The following LRRTM4 variants were observed in gnomAD, a reference collection of about 807,000 sequenced individuals.
LRRTM4 encodes leucine rich repeat transmembrane neuronal 4.
LRRTM4 carries 25 observed loss-of-function variants against 47.6 expected under a neutral mutation model. That is an observed-to-expected ratio of 0.53 (90% confidence interval 0.38 to 0.73). The LOEUF (loss-of-function observed/expected upper bound fraction) is 0.73, where lower values mean the gene tolerates loss of function less well. LRRTM4 is among the 30% of genes least tolerant of loss of function. LRRTM4 has a pLI of 0.00. For missense variants in LRRTM4, 638 were observed against 713.4 expected (o/e 0.89, Z 1.20); for synonymous variants, 311 against 269.5 (o/e 1.15, Z -1.51).
chr2:77,512,455 A>G (rs1573512689), intron 3 of LRRTM4, among the ~76,000 whole-genome samples: 2 of 152,244 alleles, frequency 1.3e-5, no homozygotes, highest in South Asian at 2.1e-4. Flanking sequence ...TTCTGGTACT[A>G]TAAAAAGCAA....
chr2:77,367,375 A>G (rs1490575130), intron 3 of LRRTM4, among the ~76,000 whole-genome samples: 1 of 151,828 alleles, frequency 6.6e-6, no homozygotes, highest in Non-Finnish European at 1.5e-5. Context: ...GCTATTATCT[A>G]AAATGATTAA....
chr2:76,958,841 G>A (rs1186198623), intron 3 of LRRTM4, among the ~76,000 whole-genome samples: 1 of 151,502 alleles, frequency 6.6e-6, no homozygotes, highest in Non-Finnish European at 1.5e-5. Flanking sequence ...TTTGAAATAT[G>A]CCCCCTTGCC....
At chr2:77,032,310 TA>T (rs1156636922) in intron 3 of LRRTM4, among the ~76,000 whole-genome samples, 1 of 152,164 alleles carries the variant, frequency 6.6e-6, no homozygotes, top group Non-Finnish European at 1.5e-5. Flanking sequence ...GAGGTTAGTC[TA>T]ATCATCTCAA....
chr2:77,324,210 G>A lies in LRRTM4; in HGVS notation c.1551+194108C>T, dbSNP rs201075860. ...TTTGACTTTATTGATATTTTTTCTCGACAAATATTTATTAAGAGCTTAGCT... is the reference window on the plus strand; with the variant it reads ...TTTGACTTTATTGATATTTTTTCTCAACAAATATTTATTAAGAGCTTAGCT... On this transcript the variant is annotated intron_variant, in intron 3 of 3. Coordinates refer to ENST00000409884, the MANE Select transcript of LRRTM4 (RefSeq NM_001134745.3). Among the ~76,000 whole-genome samples, 129 of 152,036 alleles carry A rather than the reference G, an allele frequency of 8.5e-4. No homozygotes were observed. In the East Asian group the frequency reaches 0.018, roughly 21 times the overall value.
chr2:76,966,727 C>A (rs1676036853), intron 3 of LRRTM4, among the ~76,000 whole-genome samples: 1 of 151,430 alleles, frequency 6.6e-6, no homozygotes, highest in Non-Finnish European at 1.5e-5. Flanking sequence ...CTTTTAATGA[C>A]AATCTAATTA....
chr2:77,429,950 C>T (rs2103902325), intron 3 of LRRTM4, among the ~76,000 whole-genome samples: 1 of 152,136 alleles, frequency 6.6e-6, no homozygotes, highest in Non-Finnish European at 1.5e-5. Context: ...CCTGTAATTC[C>T]AGATACTCAG....
chr2:77,331,189 G>C (rs1670960170), intron 3 of LRRTM4, among the ~76,000 whole-genome samples: 1 of 152,026 alleles, frequency 6.6e-6, no homozygotes, highest in Non-Finnish European at 1.5e-5. Context: ...TCTCTTTCCA[G>C]TTTGTATTTT....
intron 3 of LRRTM4, among the ~76,000 whole-genome samples, chr2:77,364,842 G>T (rs1672381094): frequency 6.6e-6 from 1 of 151,920 alleles, no homozygotes; most frequent in Admixed American, 6.6e-5. Flanking sequence ...ATTTTTGTGT[G>T]GGAAAAACAC....
intron 3 of LRRTM4, among the ~76,000 whole-genome samples, chr2:77,365,943 A>ATT (rs1185688771): frequency 6.7e-6 from 1 of 148,820 alleles, no homozygotes; most frequent in Non-Finnish European, 1.5e-5. Context: ...TTTTTCCTAC[A>ATT]TTATATATAT....
chr2:77,377,862 G>A (rs554665040), intron 3 of LRRTM4, among the ~76,000 whole-genome samples: 4 of 151,600 alleles, frequency 2.6e-5, no homozygotes, highest in African/African-American at 7.2e-5. Context: ...CTCCTCTATC[G>A]AAAATGCAAA....
In LRRTM4 at chr2:77,518,809, C is replaced by A; in HGVS notation, c.1060G>T (p.Val354Leu). Reference protein sequence around the residue: ...HIQGEKVSDAVETYNICSEVQ... With the variant: ...HIQGEKVSDALETYNICSEVQ... ...TCAGAACAGATATTATATGTTTCCA[C>A]TGCATCACTAACCTTTTCACCCTGG... is the stretch of plus-strand genomic sequence containing the variant. Residue 354 changes from valine to leucine, a missense_variant, in exon 3 of 4, where the codon GTG (valine) becomes TTG (leucine). Transcript: ENST00000409884. The A allele has an allele frequency of 6.2e-7, 1 of 1,611,890 alleles. No individual in the cohort carries two copies. The highest frequency in any genetic ancestry group is 8.5e-7 in the Non-Finnish European group (1 of 1,178,886).
chr2:77,461,867 C>T (rs962498654), intron 3 of LRRTM4, among the ~76,000 whole-genome samples: 1 of 152,064 alleles, frequency 6.6e-6, no homozygotes, highest in African/African-American at 2.4e-5. Context: ...CTATTTCTTT[C>T]TCCTATTTTT....
intron 3 of LRRTM4, among the ~76,000 whole-genome samples, chr2:76,933,419 T>C (rs1674838813): frequency 6.6e-6 from 1 of 152,136 alleles, no homozygotes; most frequent in Non-Finnish European, 1.5e-5. Flanking sequence ...ATATTTTTTT[T>C]TAGCATTGCT....
intron 3 of LRRTM4, among the ~76,000 whole-genome samples, chr2:76,844,368 C>T (rs189491073): frequency 4.0e-4 from 61 of 152,250 alleles, no homozygotes; most frequent in Middle Eastern, 6.8e-3. Flanking sequence ...ATCTCCTGAC[C>T]TTGTGATCCA....
intron 3 of LRRTM4, among the ~76,000 whole-genome samples, chr2:77,054,502 TTTAA>T (rs1302034766): frequency 6.6e-6 from 1 of 152,198 alleles, no homozygotes; most frequent in African/African-American, 2.4e-5. Context: ...ATCAAAGCTA[TTTAA>T]TTAAATAAGT....
chr2:77,285,143 G>T (rs548917903), intron 3 of LRRTM4, among the ~76,000 whole-genome samples: 11 of 151,606 alleles, frequency 7.3e-5, no homozygotes, highest in African/African-American at 2.7e-4. Flanking sequence ...ATTTTTGTGG[G>T]TTGTTTTCCT....
intron 3 of LRRTM4, among the ~76,000 whole-genome samples, chr2:77,336,245 AAAGGAAAGAAGG>A (rs1226504067): frequency 4.3e-4 from 64 of 148,820 alleles, no homozygotes; most frequent in African/African-American, 1.1e-3. Flanking sequence ...AGGAAGGAAG[AAAGGAAAGAAGG>A]AAGGAAAGAA....
intron 3 of LRRTM4, among the ~76,000 whole-genome samples, chr2:76,996,435 A>C (rs1025958122): frequency 2.0e-5 from 3 of 152,110 alleles, no homozygotes; most frequent in African/African-American, 7.2e-5. Flanking sequence ...ACAAAGACTT[A>C]TTTCAGAGGT....
intron 3 of LRRTM4, among the ~76,000 whole-genome samples, chr2:77,345,338 G>T (rs1374853296): frequency 2.0e-5 from 3 of 151,764 alleles, no homozygotes; most frequent in Non-Finnish European, 4.4e-5. Flanking sequence ...TCTGAGAAAT[G>T]CAGGAGTAGG....
Sources: allele counts gnomAD v4.1 joint callset (sites outside exome capture counted in the v4.1 genomes callset), GRCh38; gene constraint gnomAD v4.1.1; transcripts MANE v1.5; gene names NCBI Gene and HGNC (gene_info 2026-07-23, HGNC 2026-07-21).